Variants in SAMMSON observed in about 807,000 individuals in gnomAD.
SAMMSON encodes survival associated mitochondrial melanoma specific oncogenic non-coding RNA.
At chr3:70,168,509 A>C (rs1477700301) in intron 4 of SAMMSON, among the ~76,000 whole-genome samples, 2 of 152,054 alleles carry the variant, frequency 1.3e-5, no homozygotes, top group Admixed American at 6.6e-5. Flanking sequence ...ATGGATGCAA[A>C]GCCAGTCAAC....
intron 4 of SAMMSON, among the ~76,000 whole-genome samples, chr3:70,079,432 T>G (rs762879659): frequency 9.9e-5 from 15 of 152,272 alleles, no homozygotes; most frequent in South Asian, 6.2e-4. Context: ...CCCTGACTTA[T>G]GATGGTGTGA....
At chr3:70,124,915 T>C (rs1205097922) in intron 4 of SAMMSON, among the ~76,000 whole-genome samples, 1 of 150,398 alleles carries the variant, frequency 6.6e-6, no homozygotes, top group Non-Finnish European at 1.5e-5. Context: ...ATAGTTCCAA[T>C]ACACTGATTT....
chr3:70,079,842 CTT>C (rs993708863), intron 4 of SAMMSON, among the ~76,000 whole-genome samples: 1 of 152,172 alleles, frequency 6.6e-6, no homozygotes, highest in African/African-American at 2.4e-5. Context: ...TCTGGAGCCT[CTT>C]TAACCATCAG....
At chr3:70,110,162 G>T (rs141318281) in intron 4 of SAMMSON, among the ~76,000 whole-genome samples, 27 of 152,284 alleles carry the variant, frequency 1.8e-4, no homozygotes, top group African/African-American at 5.5e-4. Context: ...ATTTTGTATT[G>T]CATCATATGT....
At chr3:70,240,476 T>C (rs576825208) in intron 4 of SAMMSON, among the ~76,000 whole-genome samples, 4 of 152,250 alleles carry the variant, frequency 2.6e-5, no homozygotes, top group Admixed American at 1.3e-4. Flanking sequence ...TCTTTGGAAG[T>C]TGGACCCTAA....
At chr3:70,125,765 T>A in intron 4 of SAMMSON, 1 of 654,752 alleles carries the variant, frequency 1.5e-6, no homozygotes, top group African/African-American at 1.8e-5. Flanking sequence ...ATATCCTTTA[T>A]TTTTCTCTTT....
At chr3:70,418,041 A>G (rs1406878008) in intron 2 of SAMMSON, among the ~76,000 whole-genome samples, 1 of 152,230 alleles carries the variant, frequency 6.6e-6, no homozygotes, top group Admixed American at 6.5e-5. Flanking sequence ...TTTCTGTCCC[A>G]GGACCTCAGC....
intron 7 of SAMMSON, among the ~76,000 whole-genome samples, chr3:70,319,843 A>T (rs1702524026): frequency 6.6e-6 from 1 of 152,108 alleles, no homozygotes; most frequent in African/African-American, 2.4e-5. Flanking sequence ...ATTTAAAAAA[A>T]GATTTGGTAT....
At chr3:70,181,512 C>T (rs775037512) in intron 4 of SAMMSON, among the ~76,000 whole-genome samples, 1 of 152,160 alleles carries the variant, frequency 6.6e-6, no homozygotes, top group Non-Finnish European at 1.5e-5. Flanking sequence ...TGTGTATACT[C>T]AATCTTCTTA....
chr3:70,208,562 G>C (rs1447117386), intron 4 of SAMMSON, among the ~76,000 whole-genome samples: 1 of 151,984 alleles, frequency 6.6e-6, no homozygotes, highest in Non-Finnish European at 1.5e-5. Context: ...CACAATCCTT[G>C]GTGGGATGGG....
At chr3:70,122,554 A>C (rs2067439471) in intron 4 of SAMMSON, among the ~76,000 whole-genome samples, 1 of 152,260 alleles carries the variant, frequency 6.6e-6, no homozygotes, top group African/African-American at 2.4e-5. Context: ...TATGCTTATT[A>C]ACAAATGTAA....
At chr3:70,111,882 A>G (rs2067390828) in intron 4 of SAMMSON, among the ~76,000 whole-genome samples, 1 of 152,156 alleles carries the variant, frequency 6.6e-6, no homozygotes, top group South Asian at 2.1e-4. Context: ...AGATCTAAAC[A>G]AATAATATCT....
At chr3:70,040,734 T>C (rs2067103143) in intron 3 of SAMMSON, among the ~76,000 whole-genome samples, 1 of 152,130 alleles carries the variant, frequency 6.6e-6, no homozygotes, top group African/African-American at 2.4e-5. Context: ...CCTCATGCTC[T>C]TCCCACCGCC....
At chr3:70,025,279 T>C (rs1414048214) in intron 3 of SAMMSON, 1 of 152,204 alleles carries the variant, frequency 6.6e-6, no homozygotes, top group Non-Finnish European at 1.5e-5. Context: ...AGTTTCATTC[T>C]TCTCACCTAG....
intron 4 of SAMMSON, chr3:70,125,550 C>T: frequency 1.4e-6 from 1 of 696,370 alleles, no homozygotes; most frequent in Non-Finnish European, 2.6e-6. Context: ...ATACTGGATG[C>T]ATCAGCTTCA....
At chr3:70,014,250 C>A (rs1447381396) in intron 3 of SAMMSON, 1 of 152,164 alleles carries the variant, frequency 6.6e-6, no homozygotes, top group African/African-American at 2.4e-5. Flanking sequence ...AGTTGGCTAA[C>A]ATAATCTGCC....
rs575373047 is a variant in SAMMSON at position 70,238,797 on chromosome 3, T to C, written n.508-10310T>C. On this transcript the variant is annotated intron_variant and non_coding_transcript_variant, in intron 4 of 9. Coordinates refer to ENST00000642114, the Ensembl canonical transcript of SAMMSON. ...GATATGTGAGTCTACAAATTCCCTC[T>C]TTATCTAAACTGGTTAGGTTTCTAT... is the stretch of plus-strand genomic sequence containing the variant. Among the ~76,000 whole-genome samples the C allele has an allele frequency of 1.4e-4, 22 of 152,232 alleles. No individual in the cohort carries two copies. The South Asian group carries it at 4.4e-3, about 30-fold the overall frequency.
chr3:70,426,851 A>T (rs1701374069), intron 2 of SAMMSON, among the ~76,000 whole-genome samples: 1 of 152,240 alleles, frequency 6.6e-6, no homozygotes, highest in South Asian at 2.1e-4. Context: ...CCTGCCTAGC[A>T]TCTGGATCAT....
chr3:70,002,462 T>C (rs1398145068), intron 1 of SAMMSON, among the ~76,000 whole-genome samples: 1 of 152,180 alleles, frequency 6.6e-6, no homozygotes, highest in Non-Finnish European at 1.5e-5. Context: ...TCAGAGAATA[T>C]ATAAAAACAC....
Sources: gnomAD v4.1 joint callset for allele counts (sites outside exome capture counted in the v4.1 genomes callset) on GRCh38, gnomAD v4.1.1 for gene constraint, MANE v1.5 for transcripts, NCBI Gene and HGNC (gene_info 2026-07-23, HGNC 2026-07-21) for gene names.